The following DOP1B variants were observed in gnomAD, a reference collection of about 807,000 sequenced individuals.
DOP1B encodes the protein DOP1 leucine zipper like protein B, also known as protein DOP1B.
In DOP1B, 174 loss-of-function variants were observed where a neutral mutation model predicts 233.5. That is an observed-to-expected ratio of 0.75 (90% CI 0.66 to 0.85). The LOEUF (loss-of-function observed/expected upper bound fraction) is 0.85. Among genes scored for constraint, DOP1B ranks in the 40% least tolerant of loss-of-function variants. DOP1B has a pLI of 0.00. For missense variants in DOP1B, 2,652 were observed against 2,846.6 expected (o/e 0.93, Z 1.56); for synonymous variants, 1,190 against 1,185.6 (o/e 1.00, Z -0.08).
chr21:36,199,249 C>T lies in DOP1B; in HGVS notation c.318C>T (p.Tyr106=). The T allele has an allele frequency of 6.2e-7, 1 of 1,612,252 alleles. No homozygotes were observed. The highest frequency in any genetic ancestry group is 1.1e-5 in the South Asian group (1 of 90,762). ...TKWLAKDLFL[Y]SCGLFPLLAH... ...GGCTGGCCAAGGACTTGTTTCTGTACAGGTGCGATTGCTTCTCTGCTGTGT... is the reference window on the plus strand; with the variant it reads ...GGCTGGCCAAGGACTTGTTTCTGTATAGGTGCGATTGCTTCTCTGCTGTGT... The change falls in exon 3 of 37, where the codon TAC becomes TAT. Residue 106 remains tyrosine (Y), a splice_region_variant and synonymous_variant. Transcript: ENST00000691173.
At chr21:36,260,960 C>A in intron 24 of DOP1B, 1 of 1,282,104 alleles carries the variant, frequency 7.8e-7, no homozygotes. Context: ...TTTATATGAG[C>A]GAAGCTTTAT....
chr21:36,181,323 G>C (rs1297090163), intron 2 of DOP1B, among the ~76,000 whole-genome samples: 1 of 151,766 alleles, frequency 6.6e-6, no homozygotes, highest in South Asian at 2.1e-4. Flanking sequence ...CTGTCAGTCA[G>C]GCTAGAGTGC....
At chr21:36,252,690 T>A (rs1366175965) in intron 22 of DOP1B, among the ~76,000 whole-genome samples, 2 of 152,128 alleles carry the variant, frequency 1.3e-5, no homozygotes, top group African/African-American at 4.8e-5. Context: ...ATTTTTGTAA[T>A]TTTAGTAAAG....
In DOP1B at chr21:36,231,076, T is replaced by C. The variant is rs776092654; in HGVS notation, c.2292T>C (p.Pro764=). The C allele has an allele frequency of 6.2e-7, 1 of 1,613,372 alleles. No individual in the cohort carries two copies. Among genetic ancestry groups the C allele is most frequent in the South Asian group, 1.1e-5 (1 of 90,954 alleles). ...CHLLLDCATF[P]VYLSEEETEQ... is the part of the protein sequence containing the mutation. ...TGCTGCTGGATTGTGCCACTTTCCCTGTCTACCTGTCCGAGGAAGAGACCG... is the reference window on the plus strand; with the variant it reads ...TGCTGCTGGATTGTGCCACTTTCCCCGTCTACCTGTCCGAGGAAGAGACCG... Residue 764 remains proline (P), a synonymous_variant, in exon 14 of 37, where the codon CCT becomes CCC. Coordinates refer to ENST00000691173, the MANE Select transcript of DOP1B (RefSeq NM_001320714.2).
At chr21:36,172,823 A>G (rs545935289) in intron 2 of DOP1B, among the ~76,000 whole-genome samples, 27 of 152,082 alleles carry the variant, frequency 1.8e-4, no homozygotes, top group African/African-American at 5.8e-4. Context: ...TCAGTGAGTA[A>G]GAGTTGAGAG....
At chr21:36,172,531 G>C (rs908226016) in intron 2 of DOP1B, among the ~76,000 whole-genome samples, 2 of 152,164 alleles carry the variant, frequency 1.3e-5, no homozygotes, top group Non-Finnish European at 2.9e-5. Context: ...GGAGGCTGAA[G>C]GCAGAAGGAT....
chr21:36,254,069 T>TG (rs2067064677), intron 23 of DOP1B, among the ~76,000 whole-genome samples, 160 bp downstream of exon 23: 1 of 152,150 alleles, frequency 6.6e-6, no homozygotes, highest in Non-Finnish European at 1.5e-5. Context: ...TGCTGTGCTT[T>TG]GGGGGAGACC....
At chr21:36,157,384 T>C (rs1208460320) in intron 1 of DOP1B, among the ~76,000 whole-genome samples, 3 of 152,120 alleles carry the variant, frequency 2.0e-5, no homozygotes, top group Non-Finnish European at 4.4e-5. Context: ...GACGCAGACC[T>C]GTGAGAACTA....
At chr21:36,241,376 C>G (rs764277329) in intron 18 of DOP1B, among the ~76,000 whole-genome samples, 1 of 151,770 alleles carries the variant, frequency 6.6e-6, no homozygotes, top group Non-Finnish European at 1.5e-5. Flanking sequence ...TAACGCTGTT[C>G]GAGAAGTTGA....
At chr21:36,209,603 G>A (rs980933086) in intron 5 of DOP1B, among the ~76,000 whole-genome samples, 3 of 151,638 alleles carry the variant, frequency 2.0e-5, no homozygotes, top group Non-Finnish European at 4.4e-5. Flanking sequence ...CTCCTCCCTT[G>A]GCGTCCTCCC....
At chr21:36,280,416 A>T in intron 31 of DOP1B, 70 bp downstream of exon 31, 2 of 1,180,514 alleles carry the variant, frequency 1.7e-6, no homozygotes, top group Non-Finnish European at 2.5e-6. Context: ...AGCTTTCATC[A>T]TGTATTTCCG....
intron 7 of DOP1B, among the ~76,000 whole-genome samples, chr21:36,212,622 A>T (rs7275228): frequency 1.3e-5 from 2 of 152,260 alleles, no homozygotes; most frequent in Admixed American, 6.5e-5. Context: ...GCCCTTGACT[A>T]TTGGTTGGAA....
intron 27 of DOP1B, among the ~76,000 whole-genome samples, chr21:36,272,938 C>T (rs1369021189): frequency 1.5e-4 from 20 of 133,824 alleles, no homozygotes; most frequent in African/African-American, 5.3e-4. Flanking sequence ...GAGCCAAGAT[C>T]GCACCATTGC....
chr21:36,214,627 G>A, intron 9 of DOP1B, 71 bp downstream of exon 9: 1 of 1,301,658 alleles, frequency 7.7e-7, no homozygotes, highest in Non-Finnish European at 1.1e-6. Context: ...ATACAACATG[G>A]TGAGATACAA....
chr21:36,281,560 G>T lies in DOP1B; in HGVS notation c.6109G>T (p.Val2037Phe), dbSNP rs147782382. ...AMLLKRQAFA[V>F]FSGELDQYHL... ...GCTGTTAAAGCGCCAGGCTTTTGCT[G>T]TCTTCAGTGGAGAACTTGATCAATA... The change falls in exon 32 of 37, where the codon GTC (valine) becomes TTC (phenylalanine). Residue 2037 changes from valine (V) to phenylalanine (F), a missense_variant. Transcript: ENST00000691173. 49 of 1,609,490 alleles carry T rather than the reference G, an allele frequency of 3.0e-5. No individual in the cohort carries two copies. The highest frequency in any genetic ancestry group is 9.4e-6 in the Non-Finnish European group (11 of 1,176,312).
intron 20 of DOP1B, among the ~76,000 whole-genome samples, chr21:36,247,839 G>T (rs2066986701): frequency 6.6e-6 from 1 of 152,246 alleles, no homozygotes; most frequent in South Asian, 2.1e-4. Context: ...CTACGCAAAT[G>T]CATATGCAAA....
At chr21:36,182,207 C>T (rs1352361610) in intron 2 of DOP1B, among the ~76,000 whole-genome samples, 1 of 152,102 alleles carries the variant, frequency 6.6e-6, no homozygotes, top group Non-Finnish European at 1.5e-5. Context: ...TCAGACTCAC[C>T]ATTTCTGAGA....
intron 18 of DOP1B, among the ~76,000 whole-genome samples, chr21:36,244,382 T>C (rs933801288): frequency 6.6e-6 from 1 of 152,096 alleles, no homozygotes; most frequent in African/African-American, 2.4e-5. Flanking sequence ...CACATCCTTA[T>C]GGCTTTGAAA....
intron 4 of DOP1B, among the ~76,000 whole-genome samples, chr21:36,203,713 T>G (rs76849226): frequency 0.064 from 9,683 of 152,072 alleles, 369 homozygotes; most frequent in African/African-American, 0.1. Context: ...TGGTGAAGGC[T>G]GGGATGACTC....
Sources: allele counts gnomAD v4.1 joint callset (sites outside exome capture counted in the v4.1 genomes callset), GRCh38; gene constraint gnomAD v4.1.1; transcripts MANE v1.5; gene names NCBI Gene and HGNC (gene_info 2026-07-23, HGNC 2026-07-21).